Variants in LPAR3 observed in about 807,000 individuals in gnomAD.
The protein encoded by LPAR3 is lysophosphatidic acid receptor 3.
In LPAR3, 7 loss-of-function variants were observed where a neutral mutation model predicts 17.8. The observed-to-expected ratio is 0.39, with a 90% CI of 0.22 to 0.74. The LOEUF (loss-of-function observed/expected upper bound fraction) is 0.74. Among genes scored for constraint, LPAR3 ranks in the 30% least tolerant of loss-of-function variants. The probability of loss-of-function intolerance (pLI) is 0.40; values close to 1 mark genes in which losing one functional copy is unlikely to be tolerated. For missense variants in LPAR3, 391 were observed against 453.4 expected, an observed-to-expected ratio of 0.86 and a Z score of 1.25; for synonymous variants, 179 against 179.9, an observed-to-expected ratio of 0.99 and a Z score of 0.04.
intron 2 of LPAR3, among the ~76,000 whole-genome samples, chr1:84,841,213 T>C (rs933935771): frequency 6.6e-5 from 10 of 152,244 alleles, no homozygotes; most frequent in African/African-American, 2.4e-4. Flanking sequence ...TTTCCCATTT[T>C]TGTGATACAT....
chr1:84,877,198 T>C (rs539783649), intron 1 of LPAR3, among the ~76,000 whole-genome samples: 5 of 152,316 alleles, frequency 3.3e-5, no homozygotes, highest in African/African-American at 1.2e-4. Flanking sequence ...GGTAAGGTAA[T>C]GACAACCTGA....
At chr1:84,819,401 T>C (rs1659007441) in intron 2 of LPAR3, among the ~76,000 whole-genome samples, 5 of 152,086 alleles carry the variant, frequency 3.3e-5, no homozygotes, top group African/African-American at 1.2e-4. Context: ...TATTCTCTGG[T>C]CCCACATCAG....
At chr1:84,816,069 C>T (rs1361197160) in intron 2 of LPAR3, among the ~76,000 whole-genome samples, 1 of 152,104 alleles carries the variant, frequency 6.6e-6, no homozygotes, top group Non-Finnish European at 1.5e-5. Flanking sequence ...TGAGGACTGA[C>T]TTTAGGCTAG....
At chr1:84,890,070 T>C (rs1010300888) in intron 1 of LPAR3, among the ~76,000 whole-genome samples, 4 of 152,220 alleles carry the variant, frequency 2.6e-5, no homozygotes, top group African/African-American at 9.6e-5. Context: ...TCTGCACTTA[T>C]GCAGATAGCT....
Position 84,888,151 on chromosome 1 carries a change from TAC to T in LPAR3, c.-19+4863_-19+4864del, listed in dbSNP as rs757810280. On this transcript the variant is annotated intron_variant, in intron 1 of 2. Transcript: ENST00000370611. The stretch of plus-strand genomic sequence containing the variant: ...TTTTATATATATATATATACATACA[TAC>T]ACACACACACACACACACACACACA... Among the ~76,000 whole-genome samples the T allele has an allele frequency of 7.6e-3, 690 of 90,920 alleles. 3 individuals are homozygous for T. The highest frequency in any genetic ancestry group is 0.015 in the African/African-American group (384 of 25,540). 59.6% of individuals were successfully genotyped at this position (90,920 alleles called of 152,430 possible).
intron 1 of LPAR3, among the ~76,000 whole-genome samples, chr1:84,866,452 AGGT>A (rs1327904445): frequency 1.3e-5 from 2 of 152,162 alleles, no homozygotes; most frequent in Non-Finnish European, 2.9e-5. Context: ...AATTATTGGT[AGGT>A]TGGCTGGCTG....
At chr1:84,844,295 T>C (rs1659558305) in intron 2 of LPAR3, among the ~76,000 whole-genome samples, 1 of 152,244 alleles carries the variant, frequency 6.6e-6, no homozygotes, top group Admixed American at 6.5e-5. Context: ...GACAGCTAGA[T>C]AGTTCTGGTC....
intron 2 of LPAR3, among the ~76,000 whole-genome samples, chr1:84,825,820 C>A (rs1443144137): frequency 1.3e-5 from 2 of 152,190 alleles, no homozygotes; most frequent in Non-Finnish European, 2.9e-5. Flanking sequence ...GGTGCGCAAA[C>A]CCTGAGGATC....
Position 84,865,962 on chromosome 1 carries a change from C to T in LPAR3, c.159G>A (p.Ala53=), listed in dbSNP as rs771798904. ...GAAATTTTCTGTTTTTGATCACTGCCGCGATGACCAGAGAATTAGAAAAAA... is the reference window on the plus strand; with the variant it reads ...GAAATTTTCTGTTTTTGATCACTGCTGCGATGACCAGAGAATTAGAAAAAA... ...FIFFSNSLVI[A]AVIKNRKFHF... is the part of the protein sequence containing the mutation. The change falls in exon 2 of 3, where the codon GCG becomes GCA. Residue 53 remains alanine (A), a synonymous_variant. Coordinates refer to ENST00000370611, the MANE Select transcript of LPAR3 (RefSeq NM_012152.3). 2.1e-5 allele frequency: 34 copies of T among 1,613,800 alleles called. No homozygotes were observed. Among genetic ancestry groups the T allele is most frequent in the East Asian group, 1.6e-4 (7 of 44,890 alleles).
intron 1 of LPAR3, among the ~76,000 whole-genome samples, chr1:84,890,264 A>AGCT (rs1333760269): frequency 6.6e-6 from 1 of 152,234 alleles, no homozygotes; most frequent in Non-Finnish European, 1.5e-5. Flanking sequence ...AAGAGAAAGC[A>AGCT]AGTAAGAAAA....
At chr1:84,861,265 G>A (rs1157968954) in intron 2 of LPAR3, among the ~76,000 whole-genome samples, 1 of 152,132 alleles carries the variant, frequency 6.6e-6, no homozygotes, top group East Asian at 1.9e-4. Context: ...TCAGGCAATT[G>A]AATTCTTACA....
rs1206774677 is a variant in LPAR3 at position 84,813,158 on chromosome 1, T to TATATATAGAG, written c.*687_*688insCTCTATATAT. On this transcript the variant is annotated 3_prime_UTR_variant, in exon 3 of 3. Coordinates refer to ENST00000370611, the MANE Select transcript of LPAR3 (RefSeq NM_012152.3). Reference sequence around the variant, plus strand: ...ATATATATATATATATATATATATATAGACACACACACACACACACACACA... The same window carrying TATATATAGAG: ...ATATATATATATATATATATATATATATATATAGAGAGACACACACACACACACACACACA... The TATATATAGAG allele has an allele frequency of 3.9e-5, 4 of 101,680 alleles. No homozygotes were observed. Among genetic ancestry groups the TATATATAGAG allele is most frequent in the East Asian group, 2.7e-4 (1 of 3,684 alleles). 6.3% of individuals were successfully genotyped at this position (101,680 alleles called of 1,614,324 possible).
chr1:84,831,194 G>A (rs1392033923), intron 2 of LPAR3, among the ~76,000 whole-genome samples: 1 of 152,214 alleles, frequency 6.6e-6, no homozygotes, highest in Non-Finnish European at 1.5e-5. Flanking sequence ...GACCCTGCCA[G>A]TTCCTGCAAG....
intron 2 of LPAR3, among the ~76,000 whole-genome samples, chr1:84,851,231 C>T (rs1659704521): frequency 6.6e-6 from 1 of 152,218 alleles, no homozygotes; most frequent in African/African-American, 2.4e-5. Flanking sequence ...AGAAATGAGA[C>T]AATTATCCAT....
intron 2 of LPAR3, among the ~76,000 whole-genome samples, chr1:84,836,260 C>G (rs1359273665): frequency 6.6e-6 from 1 of 150,600 alleles, no homozygotes; most frequent in African/African-American, 2.4e-5. Context: ...ATTGCTTGAG[C>G]CCAGGAAGTC....
chr1:84,823,198 T>C (rs1225824913), intron 2 of LPAR3, among the ~76,000 whole-genome samples: 4 of 152,216 alleles, frequency 2.6e-5, no homozygotes, highest in African/African-American at 4.8e-5. Context: ...AGAAGCATTA[T>C]AATGTGTAAG....
intron 2 of LPAR3, among the ~76,000 whole-genome samples, chr1:84,819,150 T>A (rs1659001197): frequency 6.6e-6 from 1 of 152,228 alleles, no homozygotes; most frequent in Middle Eastern, 3.2e-3. Flanking sequence ...ATTATACAAT[T>A]TCATATAGAA....
intron 2 of LPAR3, among the ~76,000 whole-genome samples, chr1:84,857,968 T>A (rs1659859869): frequency 6.6e-6 from 1 of 152,124 alleles, no homozygotes; most frequent in Non-Finnish European, 1.5e-5. Flanking sequence ...TCAATACGGG[T>A]GTGTGGGCAA....
chr1:84,869,513 G>A lies in LPAR3; in HGVS notation c.-18-3375C>T, dbSNP rs192498116. ...AAAAACATACTCACTATGAAGTTGCGGTAATACAAGAAAAAGCCCATGTCA... is the reference window on the plus strand; with the variant it reads ...AAAAACATACTCACTATGAAGTTGCAGTAATACAAGAAAAAGCCCATGTCA... On this transcript the variant is annotated intron_variant, in intron 1 of 2. Transcript: ENST00000370611. Among the ~76,000 whole-genome samples the A allele has an allele frequency of 1.3e-3, 203 of 152,024 alleles. 1 individual carries two copies. The highest frequency in any genetic ancestry group is 1.4e-3 in the Non-Finnish European group (92 of 67,970).
Sources: allele counts gnomAD v4.1 joint callset (sites outside exome capture counted in the v4.1 genomes callset), GRCh38; gene constraint gnomAD v4.1.1; transcripts MANE v1.5; gene names NCBI Gene and HGNC (gene_info 2026-07-23, HGNC 2026-07-21).